NIP7: variants seen among roughly 807,000 people sequenced by gnomAD.
NIP7 encodes 60S ribosome subunit biogenesis protein NIP7 homolog.
NIP7 carries 12 observed loss-of-function variants against 20.1 expected under a neutral mutation model. That is an observed-to-expected ratio of 0.60 (90% CI 0.38 to 0.97). The LOEUF (loss-of-function observed/expected upper bound fraction) is 0.97. NIP7 is among the 50% of genes least tolerant of loss of function. The pLI, the probability that NIP7 is intolerant of heterozygous loss-of-function variation, is 0.00. For missense variants in NIP7, 226 were observed against 226.6 expected, an observed-to-expected ratio of 1.00 and a Z score of 0.02; for synonymous variants, 103 against 87.2, an observed-to-expected ratio of 1.18 and a Z score of -1.01.
At position 69,341,285 on chromosome 16, in the gene NIP7, G is replaced by A. The variant is rs1567435041; in HGVS notation, c.388G>A (p.Gly130Ser). The change falls in exon 4 of 5, where the codon GGC becomes AGC. Residue 130 changes from glycine to serine, a missense_variant. Gly to Ser is a moderately conservative substitution (Grantham distance 56, BLOSUM62 0). Transcript: ENST00000254940. ...RITENTSQYQ[G>S]VVVYSMADIP... ...CACTGAAAATACTTCTCAGTACCAG[G>A]GCGTGGTGGTGTACTCCATGGCAGA... is the stretch of plus-strand genomic sequence containing the variant. 10 of 1,613,988 alleles carry A rather than the reference G, an allele frequency of 6.2e-6. No individual in the cohort carries two copies. In the South Asian group the frequency reaches 8.8e-5, roughly 14 times the overall value.
At chr16:69,340,619 A>G in intron 3 of NIP7, 1 of 436,120 alleles carries the variant, frequency 2.3e-6, no homozygotes, top group Non-Finnish European at 4.1e-6. Flanking sequence ...GGGGTCCAGA[A>G]AAAGAGCTGT....
In NIP7 at chr16:69,339,890, G is replaced by C. The variant is rs2012457573; in HGVS notation, c.56+5G>C. ...GTTTGAGAAGATAGCGAAATAGTAG[G>C]AGCGCGCGGGGCGGACGCGGGAGTG... On this transcript the variant is annotated splice_donor_5th_base_variant and intron_variant, in intron 1 of 4. Transcript: ENST00000254940. 1 of 1,613,622 alleles carries C rather than the reference G, an allele frequency of 6.2e-7. No homozygotes were observed. Among genetic ancestry groups the C allele is most frequent in the African/African-American group, 1.3e-5 (1 of 74,614 alleles).
At position 69,340,568 on chromosome 16, in the gene NIP7, T is replaced by G. The variant is rs893390719; in HGVS notation, c.282+236T>G. The stretch of plus-strand genomic sequence containing the variant: ...GTAGAAGAGCCTAGGGAGACCCAGC[T>G]AGAGATCAGAAAGCAAATAAGTGGC... On this transcript the variant is annotated intron_variant, in intron 3 of 4. Coordinates refer to ENST00000254940, the MANE Select transcript of NIP7 (RefSeq NM_016101.5). 1.5e-5 allele frequency: 8 copies of G among 526,194 alleles called. 1 individual carries two copies. Among genetic ancestry groups the G allele is most frequent in the African/African-American group, 1.3e-4 (7 of 53,082 alleles). 32.6% of individuals were successfully genotyped at this position (526,194 alleles called of 1,614,324 possible).
At chr16:69,340,558 G>C (rs2062547) in intron 3 of NIP7, 185,591 of 573,544 alleles carry the variant, frequency 0.32, 31,971 homozygotes, top group African/African-American at 0.49. Context: ...AGAGCCTAGG[G>C]AGACCCAGCT....
intron 3 of NIP7, chr16:69,340,842 G>A (rs912655516): frequency 4.2e-6 from 1 of 237,124 alleles, no homozygotes. Flanking sequence ...CTCAGTAGCT[G>A]GGATTACAGG....
chr16:69,340,908 TCA>T, intron 3 of NIP7: 1 of 314,856 alleles, frequency 3.2e-6, no homozygotes, highest in Non-Finnish European at 6.0e-6. Flanking sequence ...AGACAGTGTT[TCA>T]CTGTGTTGGC....
Position 69,341,752 on chromosome 16 carries a change from C to T in NIP7, c.*100C>T. 7.0e-7 allele frequency: 1 copy of T among 1,432,754 alleles called. No individual in the cohort carries two copies. The allele number at this position is 1,432,754 out of a possible 1,614,324, so 88.8% of individuals were successfully genotyped here. ...CATCATGTTGAATTTTGTCAACACT[C>T]TGGCCTCTTCAGGGACTTCTTATTT... On this transcript the variant is annotated 3_prime_UTR_variant, in exon 5 of 5. Transcript: ENST00000254940.
intron 4 of NIP7, 51 bp downstream of exon 4, chr16:69,341,371 G>A: frequency 3.1e-6 from 5 of 1,599,462 alleles, no homozygotes; most frequent in Non-Finnish European, 4.3e-6. Flanking sequence ...TATTCAAGAA[G>A]GGTATGTCTT....
Position 69,341,767 on chromosome 16 carries a change from ACTT to A in NIP7, c.*119_*121del, listed in dbSNP as rs1351874321. The A allele has an allele frequency of 2.4e-6, 3 of 1,254,462 alleles. No individual in the cohort carries two copies. Among genetic ancestry groups the A allele is most frequent in the Admixed American group, 2.0e-5 (1 of 49,030 alleles). 77.7% of individuals were successfully genotyped at this position (1,254,462 alleles called of 1,614,324 possible). On this transcript the variant is annotated 3_prime_UTR_variant, in exon 5 of 5. Coordinates refer to ENST00000254940, the MANE Select transcript of NIP7 (RefSeq NM_016101.5). ...TGTCAACACTCTGGCCTCTTCAGGG[ACTT>A]CTTATTTACTGTACTCTCTATCACT...
At chr16:69,339,936 G>A (rs1393698534) in intron 1 of NIP7, 51 bp downstream of exon 1, 1 of 1,613,280 alleles carries the variant, frequency 6.2e-7, no homozygotes, top group Admixed American at 1.7e-5. Context: ...GTGGCCAAGG[G>A]TGGAGTGGGG....
rs2012477465 is a variant in NIP7, at chr16:69,340,180, C to G, written c.144-14C>G. 6.2e-7 allele frequency: 1 copy of G among 1,613,484 alleles called. No individual in the cohort carries two copies. Among genetic ancestry groups the G allele is most frequent in the South Asian group, 1.1e-5 (1 of 91,072 alleles). Reference sequence around the variant, plus strand: ...TCCTTCATCCGCAACCTTGCTCCCCCTTTACCCTTTTAGTGAGAAGATTAT... The same window carrying G: ...TCCTTCATCCGCAACCTTGCTCCCCGTTTACCCTTTTAGTGAGAAGATTAT... On this transcript the variant is annotated splice_polypyrimidine_tract_variant and intron_variant, in intron 2 of 4. Transcript: ENST00000254940.
At chr16:69,341,481 T>C (rs1168584906) in intron 4 of NIP7, 52 bp from the exon 5 acceptor site, 1 of 1,603,782 alleles carries the variant, frequency 6.2e-7, no homozygotes, top group Non-Finnish European at 8.5e-7. Context: ...GCCCTCAATA[T>C]GGGCATATTG....
chr16:69,340,346 T>C lies in NIP7; in HGVS notation c.282+14T>C. 1 of 1,607,540 alleles carries C rather than the reference T, an allele frequency of 6.2e-7. No individual in the cohort carries two copies. Among genetic ancestry groups the C allele is most frequent in the Non-Finnish European group, 8.5e-7 (1 of 1,179,252 alleles). On this transcript the variant is annotated intron_variant, in intron 3 of 4. Transcript: ENST00000254940. ...CCTTATGCCAAGGTTTGTGGGGCGGTTTCCAATTCTGCCACGGGCGATGAA... is the reference window on the plus strand; with the variant it reads ...CCTTATGCCAAGGTTTGTGGGGCGGCTTCCAATTCTGCCACGGGCGATGAA...
chr16:69,341,271 C>G lies in NIP7; in HGVS notation c.374C>G (p.Thr125Ser). ...KSGLGRITENTSQYQGVVVYS... is the reference protein window; with the variant it reads ...KSGLGRITENSSQYQGVVVYS... ...GGTCTGGGTCGAATCACTGAAAATACTTCTCAGTACCAGGGCGTGGTGGTG... is the reference window on the plus strand; with the variant it reads ...GGTCTGGGTCGAATCACTGAAAATAGTTCTCAGTACCAGGGCGTGGTGGTG... The change falls in exon 4 of 5, where the codon ACT (threonine) becomes AGT (serine). Residue 125 changes from threonine to serine, a missense_variant. By Grantham distance (58) the Thr-to-Ser change is moderately conservative. Transcript: ENST00000254940. The G allele has an allele frequency of 6.2e-7, 1 of 1,614,050 alleles. No homozygotes were observed. Among genetic ancestry groups the G allele is most frequent in the Non-Finnish European group, 8.5e-7 (1 of 1,179,930 alleles).
intron 3 of NIP7, 117 bp downstream of exon 3, chr16:69,340,449 A>G (rs185345431): frequency 2.3e-6 from 3 of 1,297,168 alleles, no homozygotes; most frequent in Non-Finnish European, 2.1e-6. Context: ...GTTTCAGCAC[A>G]TGGAGATGTG....
intron 1 of NIP7, 49 bp from the exon 2 acceptor site, chr16:69,339,957 G>A (rs750682754): frequency 3.7e-6 from 6 of 1,612,908 alleles, no homozygotes; most frequent in South Asian, 2.2e-5. Context: ...GCGCGGTGCC[G>A]GAGACCGGTT....
rs139838243 is a variant in NIP7 at position 69,341,029 on chromosome 16, T to C, written c.283-151T>C. ...CACCGGGCAACTTCCTGCATTTCTG[T>C]TCAGGAGATAGACAGTTTGAGGAAA... On this transcript the variant is annotated intron_variant, in intron 3 of 4. Transcript: ENST00000254940. 2,312 of 688,858 alleles carry C rather than the reference T, an allele frequency of 3.4e-3. 8 individuals carry two copies. Among genetic ancestry groups the C allele is most frequent in the Non-Finnish European group, 4.7e-3 (1,971 of 421,664 alleles). The allele number at this position is 688,858 out of a possible 1,614,324, so 42.7% of individuals were successfully genotyped here. A position where few individuals can be genotyped will look rare whatever the true frequency, so the allele number is the denominator to read the frequency against.
chr16:69,340,454 G>T, intron 3 of NIP7, 122 bp downstream of exon 3: 1 of 1,217,450 alleles, frequency 8.2e-7, no homozygotes, highest in Non-Finnish European at 1.2e-6. Context: ...AGCACATGGA[G>T]ATGTGTAGAG....
intron 4 of NIP7, 23 bp from the exon 5 acceptor site, chr16:69,341,510 G>A (rs2012552658): frequency 6.2e-7 from 1 of 1,613,042 alleles, no homozygotes; most frequent in South Asian, 1.1e-5. Context: ...CAGTGAGTTA[G>A]TGTCTCTTCT....
Sources: gnomAD v4.1 joint callset for allele counts on GRCh38, gnomAD v4.1.1 for gene constraint, MANE v1.5 for transcripts, NCBI Gene and HGNC (gene_info 2026-07-23, HGNC 2026-07-21) for gene names.